Variants in KATNAL1 observed in about 807,000 individuals in gnomAD.
KATNAL1 encodes the protein katanin p60 ATPase-containing subunit A-like 1.
Under a neutral mutation model 55.2 loss-of-function variants are expected in KATNAL1, and 32 were observed. The ratio of observed to expected loss-of-function variants is 0.58; its 90% CI spans 0.44 to 0.78. KATNAL1 has a LOEUF of 0.78. KATNAL1 is among the 30% of genes least tolerant of loss of function. KATNAL1 has a pLI of 0.00. For missense variants in KATNAL1, 466 were observed against 600.9 expected (o/e 0.78, Z 2.35); for synonymous variants, 193 against 193.6 (o/e 1.00, Z 0.02).
intron 6 of KATNAL1, among the ~76,000 whole-genome samples, chr13:30,233,238 A>C (rs1289555964): frequency 6.6e-6 from 1 of 152,212 alleles, no homozygotes; most frequent in Admixed American, 6.5e-5. Flanking sequence ...AGAACACATA[A>C]GCAGCTCAAG....
intron 3 of KATNAL1, among the ~76,000 whole-genome samples, chr13:30,270,081 T>G (rs1229915713): frequency 1.1e-5 from 1 of 87,696 alleles, no homozygotes; most frequent in Non-Finnish European, 2.4e-5. Context: ...GTGGGGGGGG[T>G]CAGCCCCCCG....
chr13:30,220,230 G>C (rs1362418889), intron 9 of KATNAL1, among the ~76,000 whole-genome samples: 1 of 152,152 alleles, frequency 6.6e-6, no homozygotes, highest in African/African-American at 2.4e-5. Flanking sequence ...GGAGGTGGAT[G>C]CAGGTGGATC....
At chr13:30,282,652 A>G (rs1230616294) in intron 2 of KATNAL1, among the ~76,000 whole-genome samples, 1 of 142,302 alleles carries the variant, frequency 7.0e-6, no homozygotes, top group Admixed American at 6.9e-5. Flanking sequence ...AAAAAAAAAA[A>G]AAGAAAGAAA....
intron 3 of KATNAL1, among the ~76,000 whole-genome samples, chr13:30,264,013 G>A (rs528443016): frequency 0.019 from 2,763 of 147,444 alleles, 36 homozygotes; most frequent in Non-Finnish European, 0.03. Flanking sequence ...GCATGGTACT[G>A]GTACCAAAAC....
intron 4 of KATNAL1, among the ~76,000 whole-genome samples, chr13:30,255,189 G>GT (rs1878669183): frequency 6.6e-6 from 1 of 151,848 alleles, no homozygotes; most frequent in African/African-American, 2.4e-5. Context: ...TTTTAAAGCC[G>GT]TATTTTTTCT....
At chr13:30,225,839 AT>A (rs1383610560) in intron 9 of KATNAL1, among the ~76,000 whole-genome samples, 2 of 152,186 alleles carry the variant, frequency 1.3e-5, no homozygotes, top group African/African-American at 2.4e-5. Context: ...AAAATTTAAA[AT>A]GTCTGCTTAT....
chr13:30,253,171 G>T (rs1465823827), intron 4 of KATNAL1, among the ~76,000 whole-genome samples: 1 of 152,154 alleles, frequency 6.6e-6, no homozygotes, highest in Non-Finnish European at 1.5e-5. Context: ...ATGAATATTT[G>T]TGTGGTTACA....
Position 30,283,269 on chromosome 13 carries a change from A to G in KATNAL1, c.162+347T>C, listed in dbSNP as rs867004565. Reference sequence around the variant, plus strand: ...GCGACAGAACAAGACTCTGTCTCAAAAAAAAAAAAAAAAAAAAAAAAAGGA... The same window carrying G: ...GCGACAGAACAAGACTCTGTCTCAAGAAAAAAAAAAAAAAAAAAAAAAGGA... On this transcript the variant is annotated intron_variant, in intron 2 of 10. Transcript: ENST00000380615. Among the ~76,000 whole-genome samples the G allele has an allele frequency of 1.8e-3, 265 of 148,370 alleles. 1 individual carries two copies. Among genetic ancestry groups the G allele is most frequent in the African/African-American group, 6.3e-3 (255 of 40,486 alleles).
chr13:30,225,636 A>C (rs1875386099), intron 9 of KATNAL1, among the ~76,000 whole-genome samples: 1 of 132,692 alleles, frequency 7.5e-6, no homozygotes, highest in South Asian at 2.4e-4. Flanking sequence ...ATATGAAAAA[A>C]ATGACTCATC....
intron 1 of KATNAL1, among the ~76,000 whole-genome samples, chr13:30,286,327 G>A (rs980144489): frequency 1.3e-5 from 2 of 152,218 alleles, no homozygotes; most frequent in African/African-American, 2.4e-5. Flanking sequence ...TGGGTCCAGG[G>A]CCCCTCTGCT....
At chr13:30,264,168 G>C (rs938404380) in intron 3 of KATNAL1, among the ~76,000 whole-genome samples, 1 of 151,248 alleles carries the variant, frequency 6.6e-6, no homozygotes, top group Non-Finnish European at 1.5e-5. Flanking sequence ...AGACTGGCTA[G>C]CCATATGTAG....
chr13:30,240,628 T>A, intron 5 of KATNAL1, 63 bp from the exon 6 acceptor site: 1 of 1,089,944 alleles, frequency 9.2e-7, no homozygotes, highest in Non-Finnish European at 1.4e-6. Context: ...TGGTCAAAAC[T>A]AATTCTTTTA....
At chr13:30,271,878 G>GAAAAAAAAAAAAAAAAAAA (rs71299873) in intron 3 of KATNAL1, among the ~76,000 whole-genome samples, 26 of 76,772 alleles carry the variant, frequency 3.4e-4, no homozygotes, top group Middle Eastern at 9.6e-3. Flanking sequence ...AAGAAAAGAG[G>GAAAAAAAAAAAAAAAAAAA]AAAAAAAAAA....
chr13:30,302,579 C>T lies in KATNAL1; in HGVS notation c.-15+4752G>A, dbSNP rs558605976. ...AGACACTCACAGAGACAGGAATAAACGAGAATAAAGGAACAACTTATTGAA... is the reference window on the plus strand; with the variant it reads ...AGACACTCACAGAGACAGGAATAAATGAGAATAAAGGAACAACTTATTGAA... On this transcript the variant is annotated intron_variant, in intron 1 of 10. Transcript: ENST00000380615. 6.1e-4 allele frequency among the ~76,000 whole-genome samples: 93 copies of T among 152,024 alleles called. 1 individual carries two copies. The highest frequency in any genetic ancestry group is 1.8e-3 in the African/African-American group (75 of 41,468).
At chr13:30,240,389 A>G in intron 6 of KATNAL1, 71 bp downstream of exon 6, 1 of 1,059,134 alleles carries the variant, frequency 9.4e-7, no homozygotes, top group Non-Finnish European at 1.5e-6. Flanking sequence ...ATCAAAAACT[A>G]CAGCAATGCT....
intron 3 of KATNAL1, among the ~76,000 whole-genome samples, chr13:30,273,445 C>A (rs929152882): frequency 1.6e-4 from 24 of 152,146 alleles, no homozygotes; most frequent in Non-Finnish European, 1.0e-4. Context: ...AATCTTTAAG[C>A]CTCAGTGTCG....
intron 9 of KATNAL1, among the ~76,000 whole-genome samples, chr13:30,222,156 C>G (rs531206912): frequency 6.6e-6 from 1 of 152,138 alleles, no homozygotes; most frequent in South Asian, 2.1e-4. Context: ...GCAGATTGCC[C>G]TTCCTAATGT....
At chr13:30,219,701 A>C (rs911261959) in intron 9 of KATNAL1, among the ~76,000 whole-genome samples, 1 of 152,200 alleles carries the variant, frequency 6.6e-6, no homozygotes. Flanking sequence ...CCCCTTGGGG[A>C]AAAAGCATTT....
chr13:30,275,216 C>T (rs1380027232), intron 3 of KATNAL1, among the ~76,000 whole-genome samples: 1 of 152,156 alleles, frequency 6.6e-6, no homozygotes, highest in African/African-American at 2.4e-5. Context: ...CCTCAGGAAG[C>T]TTACAACCAT....
Sources: allele counts gnomAD v4.1 joint callset (sites outside exome capture counted in the v4.1 genomes callset), GRCh38; gene constraint gnomAD v4.1.1; transcripts MANE v1.5; gene names NCBI Gene and HGNC (gene_info 2026-07-23, HGNC 2026-07-21).